BCKDHB: variants seen among roughly 807,000 people sequenced by gnomAD.
The protein encoded by BCKDHB is 2-oxoisovalerate dehydrogenase subunit beta, mitochondrial.
In BCKDHB, 41 loss-of-function variants were observed where a neutral mutation model predicts 48.5. That is an observed-to-expected ratio of 0.85 (90% CI 0.66 to 1.10). The LOEUF is 1.10. Among genes scored for constraint, BCKDHB ranks in the 50% least tolerant of loss-of-function variants. The pLI is 0.00. For missense variants in BCKDHB, 496 were observed against 494.2 expected, an observed-to-expected ratio of 1.00 and a Z score of -0.03; for synonymous variants, 201 against 174.8, an observed-to-expected ratio of 1.15 and a Z score of -1.18.
chr6:80,459,055 A>G, the BCKDHB span, among the ~76,000 whole-genome samples: 43 of 152,328 alleles, frequency 2.8e-4, no homozygotes, highest in African/African-American at 9.9e-4. Flanking sequence ...TGCAGCCACT[A>G]TAGAAAACAG....
chr6:80,173,397 A>G (rs1773007614), intron 6 of BCKDHB, among the ~76,000 whole-genome samples: 1 of 152,138 alleles, frequency 6.6e-6, no homozygotes, highest in South Asian at 2.1e-4. Context: ...GCTTCTCTGC[A>G]GAAGAAATTA....
intron 8 of BCKDHB, among the ~76,000 whole-genome samples, chr6:80,242,023 A>T (rs923311972): frequency 1.3e-5 from 2 of 152,010 alleles, no homozygotes; most frequent in Non-Finnish European, 2.9e-5. Flanking sequence ...CACTCTTTTA[A>T]TGTTGTCTTT....
chr6:80,395,656 G>T, the BCKDHB span, among the ~76,000 whole-genome samples: 2 of 152,234 alleles, frequency 1.3e-5, no homozygotes, highest in Admixed American at 6.5e-5. Flanking sequence ...AAGGTCTTCT[G>T]CAGAAATTTG....
At chr6:80,278,650 G>A (rs947347268) in intron 9 of BCKDHB, among the ~76,000 whole-genome samples, 23 of 151,826 alleles carry the variant, frequency 1.5e-4, no homozygotes, top group Non-Finnish European at 2.9e-5. Flanking sequence ...ACCTCCGCCT[G>A]CCGGGTTCAA....
chr6:80,221,331 G>T (rs1202111976), intron 8 of BCKDHB, among the ~76,000 whole-genome samples: 2 of 152,028 alleles, frequency 1.3e-5, no homozygotes, highest in African/African-American at 2.4e-5. Flanking sequence ...CGACTTTGTT[G>T]TTTTTGCTGT....
intron 6 of BCKDHB, among the ~76,000 whole-genome samples, chr6:80,182,036 A>G (rs1399655354): frequency 1.3e-5 from 2 of 152,122 alleles, no homozygotes; most frequent in Non-Finnish European, 2.9e-5. Context: ...TTCAGTTTCC[A>G]TTTGATTACA....
At chr6:80,456,660 G>C in the BCKDHB span, among the ~76,000 whole-genome samples, 1 of 152,172 alleles carries the variant, frequency 6.6e-6, no homozygotes, top group Non-Finnish European at 1.5e-5. Context: ...AATGCCACTT[G>C]CTAAGTGGCT....
In BCKDHB at chr6:80,117,922, C is replaced by T. The variant is rs138394940; in HGVS notation, c.197-9625C>T. Among the ~76,000 whole-genome samples, 100 of 152,242 alleles carry T rather than the reference C, an allele frequency of 6.6e-4. No individual in the cohort carries two copies. In the South Asian group the frequency reaches 0.01, roughly 15 times the overall value. On this transcript the variant is annotated intron_variant, in intron 1 of 9. Transcript: ENST00000320393. ...TGTGTGTCTTTAATTCCTCTAACACCGCTGGGTTAGTGTCTCCCCAACCAA... is the reference window on the plus strand; with the variant it reads ...TGTGTGTCTTTAATTCCTCTAACACTGCTGGGTTAGTGTCTCCCCAACCAA...
At chr6:80,281,505 A>G (rs1778193040) in intron 9 of BCKDHB, among the ~76,000 whole-genome samples, 1 of 152,212 alleles carries the variant, frequency 6.6e-6, no homozygotes, top group South Asian at 2.1e-4. Context: ...ATGAAAACAG[A>G]AGGGTGGCCA....
At chr6:80,397,012 C>A in the BCKDHB span, among the ~76,000 whole-genome samples, 2 of 152,154 alleles carry the variant, frequency 1.3e-5, no homozygotes, top group Non-Finnish European at 2.9e-5. Context: ...CTAGTTTAAT[C>A]TTCCCAATTC....
chr6:80,180,497 A>G (rs1773362024), intron 6 of BCKDHB, among the ~76,000 whole-genome samples: 1 of 152,190 alleles, frequency 6.6e-6, no homozygotes, highest in Admixed American at 6.5e-5. Context: ...TAATTGAATG[A>G]CACATGACAT....
the BCKDHB span, among the ~76,000 whole-genome samples, chr6:80,428,170 G>T: frequency 6.6e-6 from 1 of 152,220 alleles, no homozygotes. Flanking sequence ...ATGGTTACCA[G>T]CTTTAACCAT....
At chr6:80,399,374 C>T in the BCKDHB span, among the ~76,000 whole-genome samples, 2 of 152,204 alleles carry the variant, frequency 1.3e-5, no homozygotes, top group African/African-American at 4.8e-5. Flanking sequence ...CCAAAAGCAC[C>T]TTTAGCTGAT....
At chr6:80,360,379 AG>A in the BCKDHB span, among the ~76,000 whole-genome samples, 1 of 152,210 alleles carries the variant, frequency 6.6e-6, no homozygotes, top group Admixed American at 6.5e-5. Context: ...AGCCCCCAAC[AG>A]GAAGGAATCC....
At chr6:80,111,574 A>T (rs923705042) in intron 1 of BCKDHB, among the ~76,000 whole-genome samples, 1 of 152,210 alleles carries the variant, frequency 6.6e-6, no homozygotes, top group African/African-American at 2.4e-5. Context: ...ACCAAATTCC[A>T]AGTGGCTGGT....
the BCKDHB span, among the ~76,000 whole-genome samples, chr6:80,398,556 G>A: frequency 4.5e-4 from 69 of 151,966 alleles, no homozygotes; most frequent in Admixed American, 1.8e-3. Context: ...CAGACCAACA[G>A]TGAGCTCCAA....
At chr6:80,199,063 A>T (rs1774260831) in intron 6 of BCKDHB, among the ~76,000 whole-genome samples, 1 of 152,122 alleles carries the variant, frequency 6.6e-6, no homozygotes. Flanking sequence ...CTTCTGTGTC[A>T]TCAGCTTCCA....
At chr6:80,192,627 A>G (rs576738046) in intron 6 of BCKDHB, among the ~76,000 whole-genome samples, 5 of 152,316 alleles carry the variant, frequency 3.3e-5, no homozygotes, top group African/African-American at 4.8e-5. Flanking sequence ...AAGTTGTGTT[A>G]TAAATGTGGC....
the BCKDHB span, among the ~76,000 whole-genome samples, chr6:80,364,416 A>T: frequency 6.6e-6 from 1 of 152,184 alleles, no homozygotes; most frequent in East Asian, 1.9e-4. Context: ...GAGAGGGAGG[A>T]GATCCAGGTC....
Sources: allele counts gnomAD v4.1 joint callset (sites outside exome capture counted in the v4.1 genomes callset), GRCh38; gene constraint gnomAD v4.1.1; transcripts MANE v1.5; gene names NCBI Gene and HGNC (gene_info 2026-07-23, HGNC 2026-07-21).